Variants in HS3ST5 observed in about 807,000 individuals in gnomAD.
The protein encoded by HS3ST5 is heparan sulfate glucosamine 3-O-sulfotransferase 5.
Under a neutral mutation model 25.4 loss-of-function variants are expected in HS3ST5, and 10 were observed. That is an observed-to-expected ratio of 0.39 (90% CI 0.24 to 0.67). HS3ST5 has a LOEUF of 0.67. Ranked by LOEUF, HS3ST5 falls within the 30% of genes least tolerant of loss-of-function variation. The pLI, the probability that HS3ST5 is intolerant of heterozygous loss-of-function variation, is 0.44. For synonymous variants in HS3ST5, 170 were observed against 162.4 expected (o/e 1.05, Z -0.36); for missense variants, 324 against 420.7 (o/e 0.77, Z 2.01).
intron 2 of HS3ST5, among the ~76,000 whole-genome samples, chr6:114,223,846 T>A (rs2114501295): frequency 6.6e-6 from 1 of 151,874 alleles, no homozygotes; most frequent in East Asian, 1.9e-4. Flanking sequence ...TCAATATAAA[T>A]ATTTGGCTTC....
intron 3 of HS3ST5, among the ~76,000 whole-genome samples, chr6:114,121,458 T>G (rs1217561203): frequency 6.6e-6 from 1 of 152,204 alleles, no homozygotes; most frequent in Non-Finnish European, 1.5e-5. Flanking sequence ...AAAGAAAAAT[T>G]TAAATTTCTT....
intron 2 of HS3ST5, among the ~76,000 whole-genome samples, chr6:114,195,335 T>C (rs1780684966): frequency 6.6e-6 from 1 of 152,066 alleles, no homozygotes; most frequent in Non-Finnish European, 1.5e-5. Flanking sequence ...AAATGAGATA[T>C]ATGAATATGA....
intron 3 of HS3ST5, chr6:114,143,689 A>AG (rs1488431049): frequency 6.6e-6 from 1 of 152,206 alleles, no homozygotes; most frequent in Non-Finnish European, 1.5e-5. Flanking sequence ...TTGCAGCATA[A>AG]GGACAGCTAG....
intron 3 of HS3ST5, among the ~76,000 whole-genome samples, chr6:114,103,420 GA>G (rs918592013): frequency 2.0e-5 from 3 of 151,924 alleles, no homozygotes; most frequent in African/African-American, 7.3e-5. Context: ...TGCAAAAGGG[GA>G]AAAATGAGTT....
chr6:114,328,233 AGAAGGAAGGAAAGAAG>A (rs574732267), intron 1 of HS3ST5, among the ~76,000 whole-genome samples: 5,435 of 151,384 alleles, frequency 0.036, 106 homozygotes, highest in South Asian at 0.05. Flanking sequence ...AAAGAAGGAA[AGAAGGAAGGAAAGAAG>A]GAAGGAAGGA....
intron 1 of HS3ST5, among the ~76,000 whole-genome samples, chr6:114,292,567 T>C (rs1165344433): frequency 6.6e-6 from 1 of 152,210 alleles, no homozygotes; most frequent in Non-Finnish European, 1.5e-5. Context: ...TCAAAAAGTG[T>C]TCACTGAATG....
intron 3 of HS3ST5, among the ~76,000 whole-genome samples, chr6:114,101,257 A>G (rs1582601223): frequency 6.6e-6 from 1 of 152,232 alleles, no homozygotes; most frequent in African/African-American, 2.4e-5. Context: ...GGTTTACAAC[A>G]TATTTATTTA....
At chr6:114,161,554 TATATATATATATATATATATAA>T (rs1562220939) in intron 3 of HS3ST5, among the ~76,000 whole-genome samples, 1 of 101,192 alleles carries the variant, frequency 9.9e-6, no homozygotes, top group Non-Finnish European at 2.1e-5. Flanking sequence ...TATATATATA[TATATATATATATATATATATAA>T]AATGCAATGG....
At chr6:114,253,023 A>C (rs1192114904) in intron 1 of HS3ST5, among the ~76,000 whole-genome samples, 2 of 152,064 alleles carry the variant, frequency 1.3e-5, no homozygotes, top group South Asian at 2.1e-4. Context: ...CCATCTCCAC[A>C]AAAAATTAAA....
intron 2 of HS3ST5, among the ~76,000 whole-genome samples, chr6:114,193,377 G>C (rs1048511633): frequency 4.6e-5 from 7 of 152,224 alleles, no homozygotes; most frequent in Admixed American, 1.3e-4. Context: ...CAAGCCAAAA[G>C]ATGGACCTGG....
At chr6:114,307,906 T>A (rs17378311) in intron 1 of HS3ST5, among the ~76,000 whole-genome samples, 35,183 of 151,944 alleles carry the variant, frequency 0.23, 4,085 homozygotes, top group Admixed American at 0.28. Context: ...CTGCTCAAAT[T>A]TATAAGATAA....
chr6:114,191,690 T>C (rs1234088744), intron 2 of HS3ST5, among the ~76,000 whole-genome samples: 1 of 152,144 alleles, frequency 6.6e-6, no homozygotes, highest in African/African-American at 2.4e-5. Flanking sequence ...AGCTGGGGCT[T>C]GACAGTTACT....
intron 3 of HS3ST5, among the ~76,000 whole-genome samples, chr6:114,141,241 G>A (rs1777886468): frequency 1.3e-5 from 2 of 152,162 alleles, no homozygotes; most frequent in Admixed American, 6.5e-5. Context: ...TTCACTCAAC[G>A]ATTGAAATGT....
At chr6:114,220,539 C>T (rs992536391) in intron 2 of HS3ST5, 1 of 151,936 alleles carries the variant, frequency 6.6e-6, no homozygotes, top group Non-Finnish European at 1.5e-5. Flanking sequence ...AAGCTCAGCA[C>T]TTTACTACTT....
chr6:114,166,512 A>G (rs1562222834), intron 3 of HS3ST5, among the ~76,000 whole-genome samples: 1 of 152,228 alleles, frequency 6.6e-6, no homozygotes, highest in Non-Finnish European at 1.5e-5. Flanking sequence ...ACTACTTCAT[A>G]TAAATTGTAT....
chr6:114,291,913 G>A (rs1337065036), intron 1 of HS3ST5, among the ~76,000 whole-genome samples: 1 of 152,166 alleles, frequency 6.6e-6, no homozygotes, highest in African/African-American at 2.4e-5. Context: ...AGGATGAAAG[G>A]AGATAAATGT....
intron 1 of HS3ST5, among the ~76,000 whole-genome samples, chr6:114,270,999 G>T (rs115635916): frequency 1.3e-5 from 2 of 151,718 alleles, no homozygotes; most frequent in Non-Finnish European, 2.9e-5. Flanking sequence ...TCATAGAATC[G>T]TAGAATCAGA....
At chr6:114,082,534 A>G (rs1774515895) in intron 3 of HS3ST5, among the ~76,000 whole-genome samples, 1 of 152,222 alleles carries the variant, frequency 6.6e-6, no homozygotes, top group South Asian at 2.1e-4. Flanking sequence ...ATATCAGAAT[A>G]AAGTTCGCAT....
At chr6:114,059,314 A>T (rs918736991) in intron 4 of HS3ST5, 2 of 152,210 alleles carry the variant, frequency 1.3e-5, no homozygotes, top group Non-Finnish European at 1.5e-5. Context: ...AAAGGCTGTT[A>T]AACCAATTCT....
Sources: gnomAD v4.1 joint callset for allele counts (sites outside exome capture counted in the v4.1 genomes callset) on GRCh38, gnomAD v4.1.1 for gene constraint, MANE v1.5 for transcripts, NCBI Gene and HGNC (gene_info 2026-07-23, HGNC 2026-07-21) for gene names.